MYRIP: variants seen among roughly 807,000 people sequenced by gnomAD.
MYRIP encodes the protein rab effector MyRIP.
MYRIP carries 49 observed loss-of-function variants against 98.0 expected under a neutral mutation model. The observed-to-expected ratio is 0.50, with a 90% CI of 0.40 to 0.63. The LOEUF is 0.63. MYRIP is among the 30% of genes least tolerant of loss of function. The pLI is 0.00. For synonymous variants in MYRIP, 404 were observed against 409.5 expected (o/e 0.99, Z 0.16); for missense variants, 1,004 against 1,058.2 (o/e 0.95, Z 0.71).
intron 1 of MYRIP, among the ~76,000 whole-genome samples, chr3:39,870,064 G>C (rs1156726846): frequency 6.6e-6 from 1 of 152,150 alleles, no homozygotes; most frequent in Non-Finnish European, 1.5e-5. Context: ...GGAACTGCAG[G>C]GGGGTTGCCA....
chr3:39,911,524 C>A (rs1287006556), intron 2 of MYRIP, among the ~76,000 whole-genome samples: 1 of 152,212 alleles, frequency 6.6e-6, no homozygotes, highest in African/African-American at 2.4e-5. Context: ...GGCCTTAATT[C>A]TTGGCCTGAC....
At chr3:39,849,180 A>G (rs1010319755) in intron 1 of MYRIP, among the ~76,000 whole-genome samples, 3 of 152,200 alleles carry the variant, frequency 2.0e-5, no homozygotes, top group African/African-American at 4.8e-5. Flanking sequence ...GATGGGCTAC[A>G]ACTTGCCTTG....
chr3:40,137,315 T>C (rs1313769952), intron 3 of MYRIP, among the ~76,000 whole-genome samples: 2 of 151,966 alleles, frequency 1.3e-5, no homozygotes, highest in South Asian at 2.1e-4. Context: ...ACACATACAG[T>C]CTCCCAAGAC....
At chr3:39,998,557 T>C (rs1382858390) in intron 2 of MYRIP, among the ~76,000 whole-genome samples, 1 of 152,190 alleles carries the variant, frequency 6.6e-6, no homozygotes, top group Admixed American at 6.5e-5. Flanking sequence ...GAACATTCCA[T>C]GCTCACAGGT....
chr3:40,049,770 C>T (rs1411384779), intron 3 of MYRIP, among the ~76,000 whole-genome samples: 4 of 152,020 alleles, frequency 2.6e-5, no homozygotes, highest in African/African-American at 9.7e-5. Flanking sequence ...GTTGTGAATG[C>T]AAAGGAAAAG....
intron 2 of MYRIP, among the ~76,000 whole-genome samples, chr3:39,962,986 A>G (rs1945360408): frequency 6.6e-6 from 1 of 152,152 alleles, no homozygotes; most frequent in African/African-American, 2.4e-5. Flanking sequence ...TACACATAAG[A>G]CAAAGCAACA....
At chr3:39,897,466 AT>A (rs1246067822) in intron 1 of MYRIP, among the ~76,000 whole-genome samples, 4 of 152,208 alleles carry the variant, frequency 2.6e-5, no homozygotes, top group Admixed American at 6.5e-5. Context: ...TTAAAAACAT[AT>A]CCTCTCTGTT....
intron 1 of MYRIP, among the ~76,000 whole-genome samples, chr3:39,888,829 CAAGA>C (rs1943393555): frequency 6.6e-6 from 1 of 152,114 alleles, no homozygotes; most frequent in Admixed American, 6.6e-5. Context: ...AACAAATTTA[CAAGA>C]AACAAACAAA....
At chr3:40,153,086 T>C (rs1950153039) in intron 4 of MYRIP, among the ~76,000 whole-genome samples, 1 of 151,832 alleles carries the variant, frequency 6.6e-6, no homozygotes, top group South Asian at 2.1e-4. Flanking sequence ...GCCACTGCAC[T>C]CCAGCCTGGG....
chr3:40,064,365 A>T (rs979228596), intron 3 of MYRIP, among the ~76,000 whole-genome samples: 4 of 152,146 alleles, frequency 2.6e-5, no homozygotes, highest in African/African-American at 9.7e-5. Flanking sequence ...GGGAGAAAAA[A>T]AAACCTTGCT....
Position 39,900,842 on chromosome 3 carries a change from G to T in MYRIP, c.26G>T (p.Gly9Val). Residue 9 changes from glycine to valine, a missense_variant, in exon 2 of 17, where the codon GGT becomes GTT. Around this residue, in one of 3 missense-constraint regions of MYRIP, gnomAD observed 880 missense variants for 907.7 expected, o/e 0.97. Transcript: ENST00000302541. Reference protein sequence around the residue: MGRKLDLSGLTDDETEHVL... With the variant: MGRKLDLSVLTDDETEHVL... ...ATGGGGAGGAAGCTGGACCTGTCTG[G>T]TTTGACTGATGATGAAACAGAGCAT... 6.2e-7 allele frequency: 1 copy of T among 1,613,776 alleles called. No individual in the cohort carries two copies. Among genetic ancestry groups the T allele is most frequent in the Non-Finnish European group, 8.5e-7 (1 of 1,179,914 alleles).
At chr3:39,821,902 CAG>C (rs1941113173) in intron 1 of MYRIP, among the ~76,000 whole-genome samples, 1 of 152,068 alleles carries the variant, frequency 6.6e-6, no homozygotes, top group Admixed American at 6.5e-5. Flanking sequence ...TTATTGGTTG[CAG>C]AGATTCATAT....
At chr3:40,029,382 T>C (rs1363627436) in intron 2 of MYRIP, among the ~76,000 whole-genome samples, 1 of 152,178 alleles carries the variant, frequency 6.6e-6, no homozygotes, top group Non-Finnish European at 1.5e-5. Context: ...TATTATACAA[T>C]AATCAGGCAA....
At chr3:40,011,920 A>G (rs1013937516) in intron 2 of MYRIP, among the ~76,000 whole-genome samples, 5 of 152,236 alleles carry the variant, frequency 3.3e-5, no homozygotes, top group African/African-American at 1.2e-4. Context: ...TCCAATATGT[A>G]AAAGATATAA....
chr3:40,043,527 T>A (rs907726035), intron 2 of MYRIP, among the ~76,000 whole-genome samples: 8 of 152,132 alleles, frequency 5.3e-5, no homozygotes, highest in African/African-American at 1.9e-4. Context: ...CACCAGTGCC[T>A]CGATCTGCCC....
intron 4 of MYRIP, among the ~76,000 whole-genome samples, chr3:40,158,190 G>A (rs182181263): frequency 6.6e-6 from 1 of 151,798 alleles, no homozygotes; most frequent in Admixed American, 6.6e-5. Context: ...ATTCCGGTAT[G>A]TTGTGTCTCT....
chr3:39,958,054 T>G (rs1318799954), intron 2 of MYRIP, among the ~76,000 whole-genome samples: 2 of 152,148 alleles, frequency 1.3e-5, no homozygotes, highest in Non-Finnish European at 2.9e-5. Context: ...GGAAGAACAT[T>G]CCATGCTCAT....
intron 3 of MYRIP, among the ~76,000 whole-genome samples, chr3:40,099,834 G>GA (rs1050228559): frequency 6.6e-6 from 1 of 151,790 alleles, no homozygotes; most frequent in Non-Finnish European, 1.5e-5. Flanking sequence ...AAGAAAGTGG[G>GA]AAAAAAAAGT....
intron 16 of MYRIP, among the ~76,000 whole-genome samples, chr3:40,252,477 C>T (rs777042291): frequency 2.1e-4 from 32 of 151,992 alleles, no homozygotes; most frequent in Non-Finnish European, 4.4e-4. Context: ...AAAGTATAGG[C>T]GATAGAAATT....
Sources: allele counts gnomAD v4.1 joint callset (sites outside exome capture counted in the v4.1 genomes callset), GRCh38; gene constraint gnomAD v4.1.1; regional missense constraint gnomAD v4.1.1; transcripts MANE v1.5; gene names NCBI Gene and HGNC (gene_info 2026-07-23, HGNC 2026-07-21).